The following NRAP variants were observed in gnomAD, a reference collection of about 807,000 sequenced individuals.
The protein encoded by NRAP is nebulin-related-anchoring protein.
In NRAP, 189 loss-of-function variants were observed where a neutral mutation model predicts 225.9. The observed-to-expected ratio is 0.84, with a 90% CI of 0.74 to 0.94. NRAP has a LOEUF of 0.94. Ranked by LOEUF, NRAP falls within the 40% of genes least tolerant of loss-of-function variation. The pLI is 0.00. For synonymous variants in NRAP, 769 were observed against 790.7 expected, an observed-to-expected ratio of 0.97 and a Z score of 0.46; for missense variants, 2,176 against 2,168.7, an observed-to-expected ratio of 1.00 and a Z score of -0.07.
In NRAP at chr10:113,612,288, C is replaced by G; in HGVS notation, c.3444G>C (p.Leu1148Phe). Residue 1148 changes from leucine to phenylalanine, a missense_variant, in exon 30 of 42, where the codon TTG (leucine) becomes TTC (phenylalanine). Leu to Phe is a conservative substitution (Grantham distance 22, BLOSUM62 0). Transcript: ENST00000359988. ...YKHPLPQYTSLAEDLRLSCAK... is the reference protein window; with the variant it reads ...YKHPLPQYTSFAEDLRLSCAK... The stretch of plus-strand genomic sequence containing the variant: ...CACAGCTCAGCCTCAGGTCTTCTGC[C>G]AAGGAAGTGTACTGGGGCAGTGGAT... 2 of 1,614,128 alleles carry G rather than the reference C, an allele frequency of 1.2e-6. No individual in the cohort carries two copies. Among genetic ancestry groups the G allele is most frequent in the Non-Finnish European group, 1.7e-6 (2 of 1,180,014 alleles).
chr10:113,613,132 C>G (rs1847432325), intron 29 of NRAP, among the ~76,000 whole-genome samples: 1 of 152,162 alleles, frequency 6.6e-6, no homozygotes, highest in South Asian at 2.1e-4. Flanking sequence ...TTTCATTGCT[C>G]TGGCCACCCC....
intron 25 of NRAP, among the ~76,000 whole-genome samples, chr10:113,619,359 C>G (rs1179700904): frequency 6.6e-6 from 1 of 152,134 alleles, no homozygotes; most frequent in Non-Finnish European, 1.5e-5. Flanking sequence ...TCCCAGAGGG[C>G]CTCTCCTGAA....
chr10:113,628,947 T>C lies in NRAP; in HGVS notation c.2115A>G (p.Gln705=). 6.2e-7 allele frequency: 1 copy of C among 1,612,298 alleles called. No homozygotes were observed. Among genetic ancestry groups the C allele is most frequent in the Non-Finnish European group, 8.5e-7 (1 of 1,179,112 alleles). Residue 705 remains glutamine, a synonymous_variant, in exon 20 of 42, where the codon CAA becomes CAG. Coordinates refer to ENST00000359988, the MANE Select transcript of NRAP (RefSeq NM_198060.4). ...WLTEGSLNLE[Q]AKKAGQLVSE... is the part of the protein sequence containing the mutation. ...TGACCAGCTGTCCAGCCTTCTTGGCTTGTTCCAAGTTGAGACTCCCCTCTG... is the reference window on the plus strand; with the variant it reads ...TGACCAGCTGTCCAGCCTTCTTGGCCTGTTCCAAGTTGAGACTCCCCTCTG...
At chr10:113,613,949 A>T (rs2133942629) in intron 29 of NRAP, among the ~76,000 whole-genome samples, 1 of 152,260 alleles carries the variant, frequency 6.6e-6, no homozygotes, top group Non-Finnish European at 1.5e-5. Flanking sequence ...CACTGGTGAA[A>T]ATTATAGAAT....
chr10:113,660,001 G>A (rs72835667), intron 3 of NRAP, among the ~76,000 whole-genome samples: 25,174 of 151,198 alleles, frequency 0.17, 2,295 homozygotes, highest in African/African-American at 0.25. Flanking sequence ...ATGGTTGTCC[G>A]TTTTACTTTG....
intron 10 of NRAP, 50 bp downstream of exon 10, chr10:113,646,873 G>T: frequency 8.1e-7 from 1 of 1,235,906 alleles, no homozygotes; most frequent in Non-Finnish European, 1.2e-6. Flanking sequence ...AGCCTTCAAA[G>T]TCTCACTTCT....
chr10:113,632,883 G>A (rs1848650664), intron 16 of NRAP, among the ~76,000 whole-genome samples: 1 of 152,150 alleles, frequency 6.6e-6, no homozygotes, highest in Non-Finnish European at 1.5e-5. Flanking sequence ...CATATAATGG[G>A]AATAAATGGC....
Position 113,605,855 on chromosome 10 carries a change from C to A in NRAP, c.3822G>T (p.Glu1274Asp). ...CTTGAGCACGAAGATTACGCCAGGACTCTTTGTATCTTGCCTAAAGTGGGA... is the reference window on the plus strand; with the variant it reads ...CTTGAGCACGAAGATTACGCCAGGAATCTTTGTATCTTGCCTAAAGTGGGA... ...AANLSDARYK[E>D]SWRNLRAQGY... The change falls in exon 34 of 42, where the codon GAG becomes GAT. Residue 1274 changes from glutamate to aspartate, a missense_variant. Glu to Asp is a conservative substitution (Grantham distance 45). Around this residue, in one of 3 missense-constraint regions of NRAP, gnomAD observed 1,708 missense variants for 1,695.5 expected, o/e 1.01. Coordinates refer to ENST00000359988, the MANE Select transcript of NRAP (RefSeq NM_198060.4). The A allele has an allele frequency of 6.2e-7, 1 of 1,613,122 alleles. No homozygotes were observed. Among genetic ancestry groups the A allele is most frequent in the Non-Finnish European group, 8.5e-7 (1 of 1,179,216 alleles).
chr10:113,647,928 A>G (rs573484899), intron 9 of NRAP, among the ~76,000 whole-genome samples: 19 of 152,272 alleles, frequency 1.2e-4, no homozygotes, highest in African/African-American at 3.9e-4. Context: ...CTTTCATGAC[A>G]CTGTCATCAC....
chr10:113,626,280 T>C, intron 20 of NRAP, 135 bp from the exon 21 acceptor site: 1 of 644,160 alleles, frequency 1.6e-6, no homozygotes, highest in Non-Finnish European at 2.7e-6. Context: ...TAGTTGTTCC[T>C]GCAGCTTGAA....
At chr10:113,641,331 C>T (rs1401886077) in intron 13 of NRAP, 34 bp downstream of exon 13, 2 of 1,318,740 alleles carry the variant, frequency 1.5e-6, no homozygotes, top group Non-Finnish European at 2.2e-6. Flanking sequence ...CTGCCCCACT[C>T]CATCCCAACA....
At chr10:113,629,977 A>T (rs562752599) in intron 18 of NRAP, among the ~76,000 whole-genome samples, 192 bp from the exon 19 acceptor site, 22 of 152,322 alleles carry the variant, frequency 1.4e-4, no homozygotes, top group African/African-American at 5.3e-4. Flanking sequence ...CTGAGGTTCC[A>T]TACTACTTTG....
At chr10:113,651,678 T>C in intron 7 of NRAP, 125 bp downstream of exon 7, 1 of 624,220 alleles carries the variant, frequency 1.6e-6, no homozygotes, top group Non-Finnish European at 2.8e-6. Flanking sequence ...ATCTTGTTCC[T>C]TTTTATCATT....
intron 31 of NRAP, among the ~76,000 whole-genome samples, chr10:113,609,966 GAA>G (rs556665671): frequency 5.1e-5 from 6 of 116,576 alleles, no homozygotes; most frequent in South Asian, 2.7e-4. Context: ...AATCCAGTAA[GAA>G]AAAAAAAAAA....
chr10:113,593,213 C>G (rs117842117), intron 38 of NRAP, among the ~76,000 whole-genome samples: 1 of 152,116 alleles, frequency 6.6e-6, no homozygotes, highest in Non-Finnish European at 1.5e-5. Flanking sequence ...GTTGCTCACT[C>G]GTTCCACGAG....
At chr10:113,592,685 C>T (rs1425437570) in intron 38 of NRAP, among the ~76,000 whole-genome samples, 1 of 152,206 alleles carries the variant, frequency 6.6e-6, no homozygotes, top group East Asian at 1.9e-4. Context: ...CAGTTTCTTC[C>T]TACATGCTGA....
Position 113,641,406 on chromosome 10 carries a change from G to A in NRAP, c.1282C>T (p.Arg428Cys), listed in dbSNP as rs141603035. Residue 428 changes from arginine to cysteine, a missense_variant, in exon 13 of 42, where the codon CGC becomes TGC. By Grantham distance (180) the Arg-to-Cys change is radical. Around this residue, in one of 3 missense-constraint regions of NRAP, gnomAD observed 1,708 missense variants for 1,695.5 expected, o/e 1.01. Transcript: ENST00000359988. ...GRYEGVGMDR[R>C]TLHAMKVGSL... is the part of the protein sequence containing the mutation. ...CCAACTTTCATAGCATGCAGAGTGCGTCTGTCCATACCAACTCCTTCATAG... is the reference window on the plus strand; with the variant it reads ...CCAACTTTCATAGCATGCAGAGTGCATCTGTCCATACCAACTCCTTCATAG... 113 of 1,613,836 alleles carry A rather than the reference G, an allele frequency of 7.0e-5. No homozygotes were observed. The highest frequency in any genetic ancestry group is 3.3e-4 in the East Asian group (15 of 44,874).
At chr10:113,645,743 T>G (rs1849464493) in intron 11 of NRAP, 82 bp downstream of exon 11, 3 of 733,864 alleles carry the variant, frequency 4.1e-6, no homozygotes, top group South Asian at 4.1e-5. Context: ...CCAGAGCTTT[T>G]TATTATAGGG....
chr10:113,591,474 G>A (rs1467791918), intron 39 of NRAP, among the ~76,000 whole-genome samples: 1 of 152,164 alleles, frequency 6.6e-6, no homozygotes, highest in East Asian at 1.9e-4. Context: ...TCAATGAGAT[G>A]AGTCCAGTGA....
Sources: gnomAD v4.1 joint callset for allele counts (sites outside exome capture counted in the v4.1 genomes callset) on GRCh38, gnomAD v4.1.1 for gene constraint, gnomAD v4.1.1 regional missense constraint, MANE v1.5 for transcripts, NCBI Gene and HGNC (gene_info 2026-07-23, HGNC 2026-07-21) for gene names.